PDE5A: variants seen among roughly 807,000 people sequenced by gnomAD.
PDE5A encodes cGMP-specific 3',5'-cyclic phosphodiesterase.
PDE5A carries 67 observed loss-of-function variants against 110.2 expected under a neutral mutation model. The observed-to-expected ratio is 0.61, with a 90% CI of 0.50 to 0.75. The LOEUF (loss-of-function observed/expected upper bound fraction) is 0.75, where lower values mean the gene tolerates loss of function less well. Ranked by LOEUF, PDE5A falls within the 30% of genes least tolerant of loss-of-function variation. The pLI is 0.00. For missense variants in PDE5A, 862 were observed against 1,045.1 expected (o/e 0.82, Z 2.42); for synonymous variants, 328 against 351.2 (o/e 0.93, Z 0.74).
At chr4:119,607,510 G>A (rs1437726269) in intron 1 of PDE5A, among the ~76,000 whole-genome samples, 1 of 152,184 alleles carries the variant, frequency 6.6e-6, no homozygotes, top group Non-Finnish European at 1.5e-5. Flanking sequence ...GCTGAGGTGG[G>A]AGGACTGCAT....
At chr4:119,555,315 G>A (rs1302328844) in intron 7 of PDE5A, among the ~76,000 whole-genome samples, 1 of 152,168 alleles carries the variant, frequency 6.6e-6, no homozygotes, top group African/African-American at 2.4e-5. Context: ...CTTGAGACTA[G>A]GCTGAGAGTC....
chr4:119,507,026 G>A (rs1245210859), intron 16 of PDE5A, among the ~76,000 whole-genome samples: 1 of 151,884 alleles, frequency 6.6e-6, no homozygotes, highest in Non-Finnish European at 1.5e-5. Flanking sequence ...TTGCTCAAAT[G>A]CAGGAAAGTA....
rs776990088 is a variant in PDE5A at position 119,498,638 on chromosome 4, A to G, written c.2591T>C (p.Leu864Pro). ...QALAEQQEKM[L>P]INGESGQAKR... ...GGCCTGGCCGCTTTCCCCATTAATCAGCATCTTCTCCTGCTGTTCTGCAAG... is the reference window on the plus strand; with the variant it reads ...GGCCTGGCCGCTTTCCCCATTAATCGGCATCTTCTCCTGCTGTTCTGCAAG... The change falls in exon 21 of 21, where the codon CTG becomes CCG. Residue 864 changes from leucine to proline, a missense_variant. Leu to Pro is a moderately conservative substitution (Grantham distance 98). Transcript: ENST00000354960. The G allele has an allele frequency of 6.2e-7, 1 of 1,613,992 alleles. No individual in the cohort carries two copies. The highest frequency in any genetic ancestry group is 1.1e-5 in the South Asian group (1 of 91,074).
intron 3 of PDE5A, among the ~76,000 whole-genome samples, chr4:119,574,402 C>T (rs1440104311): frequency 6.6e-6 from 1 of 151,856 alleles, no homozygotes; most frequent in East Asian, 1.9e-4. Context: ...AGGCTAGTCT[C>T]AAACTCCTGA....
In PDE5A at chr4:119,627,341, C is replaced by G. The variant is rs1204970684; in HGVS notation, c.152+1179G>C. 4.7e-6 allele frequency: 5 copies of G among 1,071,072 alleles called. No individual in the cohort carries two copies. Among genetic ancestry groups the G allele is most frequent in the Non-Finnish European group, 5.7e-6 (5 of 882,642 alleles). 66.3% of individuals were successfully genotyped at this position (1,071,072 alleles called of 1,614,324 possible). On this transcript the variant is annotated intron_variant, in intron 1 of 20. Transcript: ENST00000354960. This position sits in a 1 kb window ranked among gnomAD's most constrained non-coding sequence, Gnocchi z 4.6. ...GCCGCCCGTCGCCTCCCGCTCGCCCCGCGCTGCGCCGCCCCCTGGCGGGGA... is the reference window on the plus strand; with the variant it reads ...GCCGCCCGTCGCCTCCCGCTCGCCCGGCGCTGCGCCGCCCCCTGGCGGGGA...
chr4:119,520,624 T>C (rs1217941541), intron 13 of PDE5A, among the ~76,000 whole-genome samples: 1 of 152,090 alleles, frequency 6.6e-6, no homozygotes, highest in Non-Finnish European at 1.5e-5. Context: ...TTTTTCTTAC[T>C]TTTTCTTAAT....
intron 7 of PDE5A, among the ~76,000 whole-genome samples, chr4:119,559,927 A>C (rs1037079615): frequency 3.3e-5 from 5 of 152,150 alleles, no homozygotes; most frequent in African/African-American, 1.2e-4. Flanking sequence ...TCAAGGCTTA[A>C]AGTCAGGTCT....
intron 2 of PDE5A, among the ~76,000 whole-genome samples, chr4:119,604,889 C>G (rs1359941875): frequency 1.3e-5 from 2 of 152,124 alleles, no homozygotes. Flanking sequence ...TTTGCACCAA[C>G]CTAATACTTC....
At position 119,520,990 on chromosome 4, in the gene PDE5A, T is replaced by C. The variant is rs200506990; in HGVS notation, c.1850A>G (p.His617Arg). 7 of 1,612,998 alleles carry C rather than the reference T, an allele frequency of 4.3e-6. No homozygotes were observed. The highest frequency in any genetic ancestry group is 5.9e-6 in the Non-Finnish European group (7 of 1,179,244). Residue 617 changes from histidine to arginine, a missense_variant, in exon 13 of 21, where the codon CAT becomes CGT. Coordinates refer to ENST00000354960, the MANE Select transcript of PDE5A (RefSeq NM_001083.4). ...CATGCACTGAGCTGTATTAAAGGCA[T>C]GTCTCCAATTATGATAGGCAACATT... ...RKNVAYHNWR[H>R]AFNTAQCMFA... is the part of the protein sequence containing the mutation.
intron 11 of PDE5A, among the ~76,000 whole-genome samples, chr4:119,531,665 C>T (rs1231292374): frequency 6.6e-6 from 1 of 152,062 alleles, no homozygotes; most frequent in Non-Finnish European, 1.5e-5. Context: ...ATAAAGATTT[C>T]AATGGTATTG....
chr4:119,589,883 C>T (rs1361334400), intron 3 of PDE5A, among the ~76,000 whole-genome samples: 1 of 152,142 alleles, frequency 6.6e-6, no homozygotes, highest in East Asian at 1.9e-4. Context: ...TCCTTGTTGC[C>T]ACCTCAAGTC....
intron 1 of PDE5A, among the ~76,000 whole-genome samples, chr4:119,623,793 A>G (rs2110568558): frequency 6.6e-6 from 1 of 152,344 alleles, no homozygotes; most frequent in South Asian, 2.1e-4. Flanking sequence ...AGACTGAAAA[A>G]AAGCTACTGA....
At chr4:119,500,724 AC>A (rs1725282475) in intron 20 of PDE5A, 1 of 152,608 alleles carries the variant, frequency 6.6e-6, no homozygotes, top group African/African-American at 2.4e-5. Flanking sequence ...GCCAGCAGAT[AC>A]GTGGAAATGG....
chr4:119,624,871 A>C (rs937612820), intron 1 of PDE5A, among the ~76,000 whole-genome samples: 1 of 152,228 alleles, frequency 6.6e-6, no homozygotes, highest in Non-Finnish European at 1.5e-5. Flanking sequence ...TGTCTACAAT[A>C]GTGACCTGGG....
chr4:119,499,281 A>G (rs150379294), intron 20 of PDE5A, among the ~76,000 whole-genome samples: 13 of 152,306 alleles, frequency 8.5e-5, no homozygotes, highest in Non-Finnish European at 1.8e-4. Context: ...AAAATGACAA[A>G]TACCCAACAA....
At chr4:119,499,939 G>T (rs1179365284) in intron 20 of PDE5A, 1 of 151,290 alleles carries the variant, frequency 6.6e-6, no homozygotes, top group Non-Finnish European at 1.5e-5. Flanking sequence ...ATTTTCAACA[G>T]CAGATTCAAA....
chr4:119,586,631 G>C (rs1399599549), intron 3 of PDE5A, among the ~76,000 whole-genome samples: 2 of 152,142 alleles, frequency 1.3e-5, no homozygotes, highest in Non-Finnish European at 2.9e-5. Flanking sequence ...TGTCGGGTTA[G>C]ATATTATACA....
chr4:119,614,098 T>A (rs1729850400), intron 1 of PDE5A, among the ~76,000 whole-genome samples: 1 of 151,812 alleles, frequency 6.6e-6, no homozygotes, highest in South Asian at 2.1e-4. Context: ...GACCACACAC[T>A]GTTTTCTTAA....
At chr4:119,623,185 C>T (rs549932230) in intron 1 of PDE5A, among the ~76,000 whole-genome samples, 1 of 152,226 alleles carries the variant, frequency 6.6e-6, no homozygotes, top group East Asian at 1.9e-4. Context: ...CCCTGAGAAC[C>T]TGGTATAACA....
Sources: allele counts gnomAD v4.1 joint callset (sites outside exome capture counted in the v4.1 genomes callset), GRCh38; gene constraint gnomAD v4.1.1; non-coding constraint Gnocchi (gnomAD v3.1); transcripts MANE v1.5; gene names NCBI Gene and HGNC (gene_info 2026-07-23, HGNC 2026-07-21).